MED13L: variants seen among roughly 807,000 people sequenced by gnomAD.
MED13L encodes mediator complex subunit 13L.
In MED13L, 7 loss-of-function variants were observed where a neutral mutation model predicts 220.9. That is an observed-to-expected ratio of 0.03 (90% CI 0.02 to 0.06). MED13L has a LOEUF of 0.06. Ranked by LOEUF, MED13L falls within the 10% of genes least tolerant of loss-of-function variation. MED13L has a pLI of 1.00. For synonymous variants in MED13L, 1,011 were observed against 1,015.2 expected, an observed-to-expected ratio of 1.00 and a Z score of 0.08; for missense variants, 1,965 against 2,760.5, an observed-to-expected ratio of 0.71 and a Z score of 6.46.
intron 2 of MED13L, among the ~76,000 whole-genome samples, chr12:116,123,900 T>C (rs1875313407): frequency 6.6e-6 from 1 of 152,056 alleles, no homozygotes; most frequent in Non-Finnish European, 1.5e-5. Context: ...TGGTGCTGCT[T>C]CTTACTGCCT....
intron 1 of MED13L, among the ~76,000 whole-genome samples, chr12:116,258,098 AAG>A (rs371077634): frequency 2.6e-5 from 4 of 152,224 alleles, no homozygotes; most frequent in African/African-American, 9.6e-5. Context: ...TCGAAAAAGA[AAG>A]AGACCAATAA....
chr12:116,092,510 T>C (rs1302954755), intron 4 of MED13L, among the ~76,000 whole-genome samples: 1 of 151,838 alleles, frequency 6.6e-6, no homozygotes, highest in Non-Finnish European at 1.5e-5. Context: ...GAGGATGAAA[T>C]AAGGAAAGGA....
intron 1 of MED13L, among the ~76,000 whole-genome samples, chr12:116,243,906 T>C (rs1007067007): frequency 1.9e-4 from 29 of 152,268 alleles, no homozygotes; most frequent in African/African-American, 6.5e-4. Flanking sequence ...TCAGTTCAAG[T>C]CTCCTGGCCC....
intron 2 of MED13L, among the ~76,000 whole-genome samples, chr12:116,152,513 G>C (rs1385860640): frequency 6.6e-6 from 1 of 152,094 alleles, no homozygotes; most frequent in South Asian, 2.1e-4. Flanking sequence ...CATCCTTGGG[G>C]GATTTCCTAC....
At chr12:115,973,065 C>G (rs554081309) in intron 25 of MED13L, among the ~76,000 whole-genome samples, 2 of 152,182 alleles carry the variant, frequency 1.3e-5, no homozygotes, top group Non-Finnish European at 2.9e-5. Context: ...CATTTCTCCC[C>G]TTAAAGAGCA....
At chr12:116,093,552 C>T (rs1197765553) in intron 4 of MED13L, among the ~76,000 whole-genome samples, 1 of 151,914 alleles carries the variant, frequency 6.6e-6, no homozygotes, top group Admixed American at 6.6e-5. Flanking sequence ...AAATCATATG[C>T]TATTATTCTA....
chr12:115,983,149 G>C lies in MED13L; in HGVS notation c.4923C>G (p.Ser1641Arg). 2 of 1,614,066 alleles carry C rather than the reference G, an allele frequency of 1.2e-6. No homozygotes were observed. The highest frequency in any genetic ancestry group is 1.7e-6 in the Non-Finnish European group (2 of 1,179,950). ...GTCCATCCTGTGAGGGCTGAGAAGA[G>C]CTCTGCCCAGGGTCAGTGTCTCCAC... Reference protein sequence around the residue: ...GCGGDTDPGQSSSQPSQDGQE... With the variant: ...GCGGDTDPGQRSSQPSQDGQE... Residue 1641 changes from serine (S) to arginine (R), a missense_variant, in exon 21 of 31, where the codon AGC becomes AGG. Ser to Arg is a moderately radical substitution (Grantham distance 110). This residue lies in a region of MED13L where 510 missense variants were observed against 620.4 expected (regional missense o/e 0.82). Transcript: ENST00000281928.
intron 28 of MED13L, among the ~76,000 whole-genome samples, chr12:115,967,773 C>CA (rs951973063): frequency 2.0e-5 from 3 of 152,148 alleles, no homozygotes; most frequent in African/African-American, 7.2e-5. Context: ...CTCCAGAATT[C>CA]AAATTAAACC....
chr12:116,156,777 A>G (rs986038333), intron 2 of MED13L, among the ~76,000 whole-genome samples: 6 of 152,150 alleles, frequency 3.9e-5, no homozygotes, highest in African/African-American at 1.4e-4. Flanking sequence ...CTCCTAAAGT[A>G]GGGGTGGCCA....
At chr12:115,992,358 T>C (rs549090445) in intron 16 of MED13L, among the ~76,000 whole-genome samples, 4 of 152,284 alleles carry the variant, frequency 2.6e-5, no homozygotes, top group South Asian at 2.1e-4. Flanking sequence ...TAGAGGACCA[T>C]AGGATGAAAT....
chr12:116,070,854 G>A (rs1359334107), intron 4 of MED13L, among the ~76,000 whole-genome samples: 3 of 152,148 alleles, frequency 2.0e-5, no homozygotes, highest in African/African-American at 4.8e-5. Context: ...CAGCATGAGT[G>A]CCTAGATTTT....
chr12:116,079,768 C>T (rs1016756543), intron 4 of MED13L, among the ~76,000 whole-genome samples: 1 of 152,120 alleles, frequency 6.6e-6, no homozygotes, highest in Non-Finnish European at 1.5e-5. Flanking sequence ...AATTCCTGGG[C>T]TCAAGCGATT....
chr12:116,170,291 G>C (rs1879578332), intron 2 of MED13L, among the ~76,000 whole-genome samples: 1 of 152,070 alleles, frequency 6.6e-6, no homozygotes, highest in South Asian at 2.1e-4. Context: ...TCTCATTTTT[G>C]TATGAAATCA....
intron 2 of MED13L, among the ~76,000 whole-genome samples, chr12:116,140,594 T>C (rs553530950): frequency 7.2e-5 from 11 of 152,170 alleles, no homozygotes; most frequent in Admixed American, 2.0e-4. Flanking sequence ...GAAAGGAACA[T>C]GTTAGAGGAA....
intron 4 of MED13L, among the ~76,000 whole-genome samples, chr12:116,094,214 T>A (rs1872484266): frequency 6.6e-6 from 1 of 152,240 alleles, no homozygotes; most frequent in Admixed American, 6.5e-5. Flanking sequence ...TCATACCTAA[T>A]AAAGTTTTAT....
At chr12:115,963,899 AAC>A (rs1215948367) in intron 29 of MED13L, among the ~76,000 whole-genome samples, 12 of 152,096 alleles carry the variant, frequency 7.9e-5, no homozygotes, top group Non-Finnish European at 1.3e-4. Context: ...TTCTGAATTA[AAC>A]ACAAATATTA....
chr12:116,027,193 T>C (rs1011203493), intron 4 of MED13L, among the ~76,000 whole-genome samples: 2 of 152,234 alleles, frequency 1.3e-5, no homozygotes, highest in East Asian at 1.9e-4. Context: ...GAGGCAGAGT[T>C]GGGCAGATCG....
chr12:116,200,905 G>C (rs1881971595), intron 2 of MED13L, among the ~76,000 whole-genome samples: 1 of 152,108 alleles, frequency 6.6e-6, no homozygotes, highest in African/African-American at 2.4e-5. Context: ...CTTAAAACAA[G>C]AGGGATGGTG....
chr12:116,243,048 C>T (rs910755004), intron 1 of MED13L, among the ~76,000 whole-genome samples: 6 of 152,156 alleles, frequency 3.9e-5, no homozygotes, highest in Admixed American at 1.3e-4. Context: ...AGAGTGCCCA[C>T]GTATCATCCC....
Sources: gnomAD v4.1 joint callset for allele counts (sites outside exome capture counted in the v4.1 genomes callset) on GRCh38, gnomAD v4.1.1 for gene constraint, gnomAD v4.1.1 regional missense constraint, MANE v1.5 for transcripts, NCBI Gene and HGNC (gene_info 2026-07-23, HGNC 2026-07-21) for gene names.